LHFPL3: variants seen among roughly 807,000 people sequenced by gnomAD.
LHFPL3 encodes the protein LHFPL tetraspan subfamily member 3, also known as LHFPL tetraspan subfamily member 3 protein.
In LHFPL3, 5 loss-of-function variants were observed where a neutral mutation model predicts 19.3. The ratio of observed to expected loss-of-function variants is 0.26; its 90% CI spans 0.14 to 0.54. The LOEUF (loss-of-function observed/expected upper bound fraction) is 0.54. Ranked by LOEUF, LHFPL3 falls within the 20% of genes least tolerant of loss-of-function variation. The pLI, the probability that LHFPL3 is intolerant of heterozygous loss-of-function variation, is 0.94. For missense variants in LHFPL3, 249 were observed against 307.4 expected (o/e 0.81, Z 1.42); for synonymous variants, 133 against 126.2 (o/e 1.05, Z -0.36).
intron 1 of LHFPL3, among the ~76,000 whole-genome samples, chr7:104,347,487 A>G (rs1197311188): frequency 6.6e-6 from 1 of 152,152 alleles, no homozygotes; most frequent in Non-Finnish European, 1.5e-5. Context: ...GAAGGGTTGC[A>G]AGGAGCTGTA....
chr7:104,530,899 G>A (rs144601506), intron 1 of LHFPL3, among the ~76,000 whole-genome samples: 104 of 152,266 alleles, frequency 6.8e-4, no homozygotes, highest in African/African-American at 2.4e-3. Flanking sequence ...TTATGTACAC[G>A]ATATCGATTT....
chr7:104,408,680 AAAAGGTT>A (rs1472074499), intron 1 of LHFPL3, among the ~76,000 whole-genome samples: 1 of 152,120 alleles, frequency 6.6e-6, no homozygotes. Flanking sequence ...AGAAACAGTA[AAAAGGTT>A]ACACTCCACA....
intron 1 of LHFPL3, among the ~76,000 whole-genome samples, chr7:104,624,068 T>C (rs1791500390): frequency 6.6e-6 from 1 of 152,204 alleles, no homozygotes; most frequent in African/African-American, 2.4e-5. Context: ...AAGAAGACGA[T>C]GTTCCTTGGT....
intron 2 of LHFPL3, among the ~76,000 whole-genome samples, chr7:104,865,195 C>T (rs1388223453): frequency 6.6e-6 from 1 of 152,174 alleles, no homozygotes; most frequent in Non-Finnish European, 1.5e-5. Context: ...AATGCAGCTC[C>T]TCACCAGCAA....
intron 2 of LHFPL3, among the ~76,000 whole-genome samples, chr7:104,837,018 T>C (rs1791111559): frequency 6.6e-6 from 1 of 152,218 alleles, no homozygotes; most frequent in African/African-American, 2.4e-5. Flanking sequence ...TCCGTTCCAT[T>C]AGGAAATATT....
At chr7:104,660,328 A>G (rs1340748899) in intron 1 of LHFPL3, among the ~76,000 whole-genome samples, 2 of 152,170 alleles carry the variant, frequency 1.3e-5, no homozygotes, top group Non-Finnish European at 2.9e-5. Flanking sequence ...TGAAACTGTG[A>G]TCAGTTCACC....
intron 1 of LHFPL3, among the ~76,000 whole-genome samples, chr7:104,398,514 TA>T (rs1306000803): frequency 6.6e-6 from 1 of 152,196 alleles, no homozygotes; most frequent in Non-Finnish European, 1.5e-5. Flanking sequence ...ACTGTTCCAG[TA>T]AAAGCAATAA....
intron 1 of LHFPL3, among the ~76,000 whole-genome samples, chr7:104,484,509 A>T (rs1398726189): frequency 3.3e-5 from 5 of 152,158 alleles, no homozygotes; most frequent in Admixed American, 6.5e-5. Context: ...TTGGCTTCTC[A>T]TTTACTTTTA....
At chr7:104,611,403 C>T (rs747867484) in intron 1 of LHFPL3, among the ~76,000 whole-genome samples, 32 of 152,122 alleles carry the variant, frequency 2.1e-4, no homozygotes, top group African/African-American at 6.5e-4. Flanking sequence ...ATACAGGCCA[C>T]GTGGGGAGGG....
intron 1 of LHFPL3, among the ~76,000 whole-genome samples, chr7:104,507,201 C>G (rs41045): frequency 0.12 from 18,248 of 150,832 alleles, 1,182 homozygotes; most frequent in African/African-American, 0.15. Context: ...TACCTGACTT[C>G]AAACTATACT....
chr7:104,405,855 C>T (rs143584076), intron 1 of LHFPL3, among the ~76,000 whole-genome samples: 16 of 152,278 alleles, frequency 1.1e-4, no homozygotes, highest in African/African-American at 3.6e-4. Flanking sequence ...GGGGCATTCA[C>T]TTCCTATAAT....
intron 1 of LHFPL3, among the ~76,000 whole-genome samples, chr7:104,508,734 C>A (rs1052329672): frequency 3.3e-5 from 5 of 150,768 alleles, no homozygotes; most frequent in African/African-American, 1.2e-4. Context: ...GCAAAATAAA[C>A]CCAAAGCAAG....
intron 1 of LHFPL3, among the ~76,000 whole-genome samples, chr7:104,458,462 T>G (rs1331546297): frequency 1.3e-5 from 2 of 152,184 alleles, no homozygotes; most frequent in African/African-American, 4.8e-5. Context: ...TCTGTGCTGT[T>G]CCATTGATCT....
At chr7:104,659,688 G>C (rs1256048572) in intron 1 of LHFPL3, among the ~76,000 whole-genome samples, 1 of 152,156 alleles carries the variant, frequency 6.6e-6, no homozygotes, top group African/African-American at 2.4e-5. Flanking sequence ...CAGCTGAACT[G>C]AATGATAGAA....
intron 2 of LHFPL3, among the ~76,000 whole-genome samples, chr7:104,881,771 T>C (rs1393546563): frequency 6.6e-6 from 1 of 152,210 alleles, no homozygotes; most frequent in Non-Finnish European, 1.5e-5. Flanking sequence ...TCACGTGCTA[T>C]AGAAAAATCT....
At chr7:104,673,207 A>G (rs1792519991) in intron 1 of LHFPL3, among the ~76,000 whole-genome samples, 1 of 152,250 alleles carries the variant, frequency 6.6e-6, no homozygotes, top group Admixed American at 6.5e-5. Flanking sequence ...TAAAACACTC[A>G]TGCAAAGTAC....
intron 1 of LHFPL3, among the ~76,000 whole-genome samples, chr7:104,646,719 C>A (rs116108058): frequency 1.3e-5 from 2 of 152,166 alleles, no homozygotes; most frequent in Non-Finnish European, 2.9e-5. Flanking sequence ...TAACCTAAAT[C>A]ATTAGTCACT....
intron 1 of LHFPL3, among the ~76,000 whole-genome samples, chr7:104,650,410 C>T (rs2115935991): frequency 6.6e-6 from 1 of 152,324 alleles, no homozygotes; most frequent in East Asian, 1.9e-4. Flanking sequence ...AATCATTGTT[C>T]CTCACTGCTT....
At chr7:104,618,091 C>G (rs1052608523) in intron 1 of LHFPL3, among the ~76,000 whole-genome samples, 1 of 152,106 alleles carries the variant, frequency 6.6e-6, no homozygotes, top group Non-Finnish European at 1.5e-5. Context: ...AGTAACTGCC[C>G]CAGCTGCAGA....
Sources: gnomAD v4.1 joint callset for allele counts (sites outside exome capture counted in the v4.1 genomes callset) on GRCh38, gnomAD v4.1.1 for gene constraint, MANE v1.5 for transcripts, NCBI Gene and HGNC (gene_info 2026-07-23, HGNC 2026-07-21) for gene names.